Variants in SPATA31E1 observed in about 807,000 individuals in gnomAD.
The protein encoded by SPATA31E1 is SPATA31 subfamily E member 1.
Under a neutral mutation model 12.9 loss-of-function variants are expected in SPATA31E1, and 7 were observed. The observed-to-expected ratio is 0.54, with a 90% confidence interval of 0.31 to 1.02. The LOEUF is 1.02. SPATA31E1 is among the 50% of genes least tolerant of loss of function. SPATA31E1 has a pLI of 0.05. For synonymous variants in SPATA31E1, 771 were observed against 719.0 expected (o/e 1.07, Z -1.16); for missense variants, 1,961 against 1,799.8 (o/e 1.09, Z -1.62).
chr9:87,888,820 T>C lies in SPATA31E1; in HGVS notation c.4333T>C (p.Ser1445Pro). 1 of 1,599,532 alleles carries C rather than the reference T, an allele frequency of 6.3e-7. No homozygotes were observed. The highest frequency in any genetic ancestry group is 8.5e-7 in the Non-Finnish European group (1 of 1,173,640). Reference sequence around the variant, plus strand: ...GATGTCTGCACAGAGGTGTCTTGCCTCCTGAACTAGACCAGTCTTCTTGCA... The same window carrying C: ...GATGTCTGCACAGAGGTGTCTTGCCCCCTGAACTAGACCAGTCTTCTTGCA... Reference protein sequence around the residue: ...ELMSAQRCLAS With the variant: ...ELMSAQRCLAP Residue 1445 changes from serine (S) to proline (P), a missense_variant, in exon 4 of 4, where the codon TCC becomes CCC. Ser to Pro is a moderately conservative substitution (Grantham distance 74, BLOSUM62 -1). Transcript: ENST00000325643.
rs1355970948 is a variant in SPATA31E1, at chr9:87,885,391, C to A, written c.904C>A (p.Pro302Thr). Reference protein sequence around the residue: ...VISGLGCSSDPIWDLYCWREA... With the variant: ...VISGLGCSSDTIWDLYCWREA... ...CTCTGGCCTGGGGTGCTCCAGCGAT[C>A]CCATCTGGGACCTCTATTGCTGGAG... The change falls in exon 4 of 4, where the codon CCC becomes ACC. Residue 302 changes from proline (P) to threonine (T), a missense_variant. Transcript: ENST00000325643. The A allele has an allele frequency of 6.2e-7, 1 of 1,613,956 alleles. No individual in the cohort carries two copies. Among genetic ancestry groups the A allele is most frequent in the Non-Finnish European group, 8.5e-7 (1 of 1,179,912 alleles).
Position 87,888,079 on chromosome 9 carries a change from C to G in SPATA31E1, c.3592C>G (p.Leu1198Val). Residue 1198 changes from leucine (L) to valine (V), a missense_variant, in exon 4 of 4, where the codon CTG becomes GTG. Leu to Val is a conservative substitution (Grantham distance 32, BLOSUM62 1). Coordinates refer to ENST00000325643, the MANE Select transcript of SPATA31E1 (RefSeq NM_178828.5). The part of the protein sequence containing the change: ...AKAPQKSQKT[L>V]GCADKGEAHR... ...GGCCCCACAGAAGAGTCAGAAGACGCTGGGCTGTGCGGACAAGGGCGAGGC... is the reference window on the plus strand; with the variant it reads ...GGCCCCACAGAAGAGTCAGAAGACGGTGGGCTGTGCGGACAAGGGCGAGGC... The G allele has an allele frequency of 6.2e-7, 1 of 1,602,098 alleles. No homozygotes were observed. The highest frequency in any genetic ancestry group is 1.3e-5 in the African/African-American group (1 of 74,754).
At position 87,887,862 on chromosome 9, in the gene SPATA31E1, C is replaced by T; in HGVS notation, c.3375C>T (p.Ala1125=). The T allele has an allele frequency of 1.2e-6, 2 of 1,613,830 alleles. No individual in the cohort carries two copies. The highest frequency in any genetic ancestry group is 1.7e-6 in the Non-Finnish European group (2 of 1,180,034). ...RAPGILLQDG[A]TGLCLPGRHM... is the part of the protein sequence containing the mutation. ...CGGGCATCCTCCTCCAGGACGGCGC[C>T]ACAGGCCTGTGCCTTCCAGGCCGCC... Residue 1125 remains alanine, a synonymous_variant, in exon 4 of 4, where the codon GCC becomes GCT. Transcript: ENST00000325643.
In SPATA31E1 at chr9:87,887,830, C is replaced by T. The variant is rs560140615; in HGVS notation, c.3343C>T (p.Arg1115Cys). 17 of 1,613,890 alleles carry T rather than the reference C, an allele frequency of 1.1e-5. No homozygotes were observed. Among genetic ancestry groups the T allele is most frequent in the South Asian group, 9.9e-5 (9 of 91,080 alleles). ...GGACTCAGAGGAGCAGCTGCCAGGC[C>T]GTGCCCCGGGCATCCTCCTCCAGGA... ...QVDSEEQLPGRAPGILLQDGA... is the reference protein window; with the variant it reads ...QVDSEEQLPGCAPGILLQDGA... The change falls in exon 4 of 4, where the codon CGT (arginine) becomes TGT (cysteine). Residue 1115 changes from arginine (R) to cysteine (C), a missense_variant. By Grantham distance (180) the Arg-to-Cys change is radical (BLOSUM62 -3). Transcript: ENST00000325643.
rs755175247 is a variant in SPATA31E1 at position 87,886,267 on chromosome 9, C to T, written c.1780C>T (p.Gln594Ter). ...CAAAAAGTCTCAGGCTGTTCTGAGC[C>T]AGCCCACTGCCCACCTTCCCCAAGA... ...LLKKSQAVLS[Q>*]PTAHLPQERP... Residue 594 changes from glutamine to a stop codon, truncating the protein, a stop_gained, in exon 4 of 4, where the codon CAG (glutamine) becomes TAG (stop). Coordinates refer to ENST00000325643, the MANE Select transcript of SPATA31E1 (RefSeq NM_178828.5). LOFTEE classifies it low-confidence loss of function (END_TRUNC). 1.2e-6 allele frequency: 2 copies of T among 1,613,750 alleles called. No homozygotes were observed. The highest frequency in any genetic ancestry group is 1.3e-5 in the African/African-American group (1 of 74,902).
rs1253259579 is a variant in SPATA31E1 at position 87,888,158 on chromosome 9, C to T, written c.3671C>T (p.Thr1224Ile). 5.6e-6 allele frequency: 9 copies of T among 1,612,192 alleles called. No homozygotes were observed. Among genetic ancestry groups the T allele is most frequent in the South Asian group, 2.2e-5 (2 of 91,010 alleles). Reference sequence around the variant, plus strand: ...GGACACAGGTCCAAGGGACCCAGGACCTCTGAAGCCAGTGGGAGGAGCCAC... The same window carrying T: ...GGACACAGGTCCAAGGGACCCAGGATCTCTGAAGCCAGTGGGAGGAGCCAC... The part of the protein sequence containing the change: ...EQGHRSKGPR[T>I]SEASGRSHPA... The change falls in exon 4 of 4, where the codon ACC becomes ATC. Residue 1224 changes from threonine (T) to isoleucine (I), a missense_variant. Physicochemically the swap from Thr to Ile is moderately conservative, Grantham distance 89. Transcript: ENST00000325643.
rs148155716 is a variant in SPATA31E1 at position 87,887,763 on chromosome 9, G to C, written c.3276G>C (p.Leu1092=). 11 of 1,613,894 alleles carry C rather than the reference G, an allele frequency of 6.8e-6. No individual in the cohort carries two copies. In the African/African-American group the frequency reaches 1.3e-4, roughly 20 times the overall value. Residue 1092 remains leucine (L), a synonymous_variant, in exon 4 of 4, where the codon CTG becomes CTC. Transcript: ENST00000325643. ...CVAQDPEQLH[L]KAQVVSEIAL... ...CTCAGGATCCAGAGCAGCTGCACCT[G>C]AAAGCGCAGGTGGTCAGTGAGATTG...
In SPATA31E1 at chr9:87,884,611, G is replaced by C; in HGVS notation, c.385G>C (p.Glu129Gln). The change falls in exon 3 of 4, where the codon GAG (glutamate) becomes CAG (glutamine). Residue 129 changes from glutamate (E) to glutamine (Q), a missense_variant. By Grantham distance (29) the Glu-to-Gln change is conservative. Coordinates refer to ENST00000325643, the MANE Select transcript of SPATA31E1 (RefSeq NM_178828.5). ...ALKACRILLR[E>Q]LEETRDLNYL... ...TCCAGCTTGCAGAATCCTCCTGAGG[G>C]AGCTGGAGGAGACTCGGGACCTGAA... 1.2e-6 allele frequency: 2 copies of C among 1,614,138 alleles called. No homozygotes were observed. Among genetic ancestry groups the C allele is most frequent in the East Asian group, 4.5e-5 (2 of 44,854 alleles).
chr9:87,887,796 A>G lies in SPATA31E1; in HGVS notation c.3309A>G (p.Ile1103Met), dbSNP rs1828310696. 1.2e-6 allele frequency: 2 copies of G among 1,613,820 alleles called. No individual in the cohort carries two copies. The highest frequency in any genetic ancestry group is 1.7e-5 in the Admixed American group (1 of 60,010). Residue 1103 changes from isoleucine to methionine, a missense_variant, in exon 4 of 4, where the codon ATA becomes ATG. By Grantham distance (10) the Ile-to-Met change is conservative. Coordinates refer to ENST00000325643, the MANE Select transcript of SPATA31E1 (RefSeq NM_178828.5). ...KAQVVSEIALIVQVDSEEQLP... is the reference protein window; with the variant it reads ...KAQVVSEIALMVQVDSEEQLP... ...AGGTGGTCAGTGAGATTGCGCTCAT[A>G]GTGCAGGTGGACTCAGAGGAGCAGC...
At position 87,886,233 on chromosome 9, in the gene SPATA31E1, C is replaced by G; in HGVS notation, c.1746C>G (p.Pro582=). 1 of 1,613,888 alleles carries G rather than the reference C, an allele frequency of 6.2e-7. No homozygotes were observed. The highest frequency in any genetic ancestry group is 8.5e-7 in the Non-Finnish European group (1 of 1,179,972). The change falls in exon 4 of 4, where the codon CCC becomes CCG. Residue 582 remains proline (P), a synonymous_variant. Transcript: ENST00000325643. The part of the protein sequence containing the change: ...KKRPKWKRVL[P]SLLKKSQAVL... ...GACCAAAGTGGAAGAGGGTTTTGCC[C>G]TCTCTCCTCAAAAAGTCTCAGGCTG... is the stretch of plus-strand genomic sequence containing the variant.
rs1564128493 is a variant in SPATA31E1 at position 87,885,970 on chromosome 9, C to CCCCAGCCCCACCACATGG, written c.1494_1511dup (p.His498_Pro503dup). The CCCCAGCCCCACCACATGG allele has an allele frequency of 1.2e-6, 2 of 1,613,436 alleles. No homozygotes were observed. The highest frequency in any genetic ancestry group is 1.1e-5 in the South Asian group (1 of 91,084). On this transcript the variant is annotated inframe_insertion, in exon 4 of 4. Coordinates refer to ENST00000325643, the MANE Select transcript of SPATA31E1 (RefSeq NM_178828.5). ...ATCCTCACAGCTTTCCCAGGCACCG[C>CCCCAGCCCCACCACATGG]CCCAGCCCCACCACATGGCCCAGCC...
chr9:87,887,825 C>T lies in SPATA31E1; in HGVS notation c.3338C>T (p.Pro1113Leu). Residue 1113 changes from proline to leucine, a missense_variant, in exon 4 of 4, where the codon CCA becomes CTA. Physicochemically the swap from Pro to Leu is moderately conservative, Grantham distance 98 (BLOSUM62 -3). Coordinates refer to ENST00000325643, the MANE Select transcript of SPATA31E1 (RefSeq NM_178828.5). ...IVQVDSEEQL[P>L]GRAPGILLQD... ...CAGGTGGACTCAGAGGAGCAGCTGC[C>T]AGGCCGTGCCCCGGGCATCCTCCTC... 1 of 1,613,878 alleles carries T rather than the reference C, an allele frequency of 6.2e-7. No homozygotes were observed. The highest frequency in any genetic ancestry group is 8.5e-7 in the Non-Finnish European group (1 of 1,180,016).
Position 87,883,049 on chromosome 9 carries a change from G to A in SPATA31E1, c.158G>A (p.Ser53Asn), listed in dbSNP as rs1162297871. 12 of 1,613,576 alleles carry A rather than the reference G, an allele frequency of 7.4e-6. No individual in the cohort carries two copies. Among genetic ancestry groups the A allele is most frequent in the Non-Finnish European group, 1.0e-5 (12 of 1,179,956 alleles). ...ATGCTCTTTCCTCTGAAGAGCCCTA[G>A]TGCCACATGGCTGAGCCCTAGCTCC... ...EKMLFPLKSP[S>N]ATWLSPSSTP... The change falls in exon 1 of 4, where the codon AGT (serine) becomes AAT (asparagine). Residue 53 changes from serine (S) to asparagine (N), a missense_variant. Ser to Asn is a conservative substitution (Grantham distance 46). Coordinates refer to ENST00000325643, the MANE Select transcript of SPATA31E1 (RefSeq NM_178828.5).
rs1023357440 is a variant in SPATA31E1, at chr9:87,888,535, C to T, written c.4048C>T (p.Arg1350Cys). 16 of 1,614,038 alleles carry T rather than the reference C, an allele frequency of 9.9e-6. No individual in the cohort carries two copies. The highest frequency in any genetic ancestry group is 1.6e-4 in the Middle Eastern group (1 of 6,084). ...SEVNRHKGDF[R>C]AQENVPSCCH... ...GGTCAATCGCCACAAAGGTGACTTC[C>T]GCGCCCAGGAGAATGTGCCTTCCTG... is the stretch of plus-strand genomic sequence containing the variant. Residue 1350 changes from arginine to cysteine, a missense_variant, in exon 4 of 4, where the codon CGC becomes TGC. Coordinates refer to ENST00000325643, the MANE Select transcript of SPATA31E1 (RefSeq NM_178828.5).
Position 87,887,680 on chromosome 9 carries a change from A to C in SPATA31E1, c.3193A>C (p.Arg1065=), listed in dbSNP as rs748959333. 1 of 1,614,150 alleles carries C rather than the reference A, an allele frequency of 6.2e-7. No individual in the cohort carries two copies. Among genetic ancestry groups the C allele is most frequent in the Non-Finnish European group, 8.5e-7 (1 of 1,180,022 alleles). Residue 1065 remains arginine (R), a synonymous_variant, in exon 4 of 4, where the codon AGG becomes CGG. Coordinates refer to ENST00000325643, the MANE Select transcript of SPATA31E1 (RefSeq NM_178828.5). Reference sequence around the variant, plus strand: ...TTCGGGAAGTGTTCAGGAGGATCTGAGGAGCACAGGGGCTCTGGGGACCAC... The same window carrying C: ...TTCGGGAAGTGTTCAGGAGGATCTGCGGAGCACAGGGGCTCTGGGGACCAC... ...ASSGSVQEDL[R]STGALGTTGN... is the part of the protein sequence containing the mutation.
rs766583741 is a variant in SPATA31E1, at chr9:87,885,115, T to C, written c.628T>C (p.Ser210Pro). 12 of 1,614,004 alleles carry C rather than the reference T, an allele frequency of 7.4e-6. No homozygotes were observed. The highest frequency in any genetic ancestry group is 1.6e-4 in the Middle Eastern group (1 of 6,084). ...CCTGTCACCAGGCCCGATGACCTTC[T>C]CAGAGCCTTTTGGACCACACTCAAC... ...STLSPGPMTF[S>P]EPFGPHSTLS... Residue 210 changes from serine to proline, a missense_variant, in exon 4 of 4, where the codon TCA (serine) becomes CCA (proline). Coordinates refer to ENST00000325643, the MANE Select transcript of SPATA31E1 (RefSeq NM_178828.5).
rs1036288388 is a variant in SPATA31E1 at position 87,885,377 on chromosome 9, G to A, written c.890G>A (p.Gly297Glu). 6.2e-7 allele frequency: 1 copy of A among 1,613,138 alleles called. No homozygotes were observed. The highest frequency in any genetic ancestry group is 1.1e-5 in the South Asian group (1 of 91,060). Residue 297 changes from glycine to glutamate, a missense_variant, in exon 4 of 4, where the codon GGG (glycine) becomes GAG (glutamate). Coordinates refer to ENST00000325643, the MANE Select transcript of SPATA31E1 (RefSeq NM_178828.5). ...PPPTRVISGL[G>E]CSSDPIWDLY... ...CCAACCAGGGTGATCTCTGGCCTGG[G>A]GTGCTCCAGCGATCCCATCTGGGAC...
In SPATA31E1 at chr9:87,886,725, C is replaced by A. The variant is rs761198450; in HGVS notation, c.2238C>A (p.Tyr746Ter). 2.0e-5 allele frequency: 32 copies of A among 1,613,930 alleles called. No homozygotes were observed. Among genetic ancestry groups the A allele is most frequent in the Non-Finnish European group, 2.5e-5 (30 of 1,180,022 alleles). ...AEGDLRRSWK[Y>*]QSVSSTPRDP... ...GTGACTTACGGAGGTCCTGGAAGTA[C>A]CAATCAGTAAGTTCCACACCCAGGG... The change falls in exon 4 of 4, where the codon TAC (tyrosine) becomes TAA (stop). Residue 746 changes from tyrosine (Y) to a stop codon, truncating the protein, a stop_gained. Coordinates refer to ENST00000325643, the MANE Select transcript of SPATA31E1 (RefSeq NM_178828.5). LOFTEE classifies it low-confidence loss of function (END_TRUNC).
In SPATA31E1 at chr9:87,888,122, C is replaced by T. The variant is rs775022323; in HGVS notation, c.3635C>T (p.Thr1212Ile). The change falls in exon 4 of 4, where the codon ACA becomes ATA. Residue 1212 changes from threonine to isoleucine, a missense_variant. Physicochemically the swap from Thr to Ile is moderately conservative, Grantham distance 89. Transcript: ENST00000325643. Reference protein sequence around the residue: ...DKGEAHRRPRTGEQGHRSKGP... With the variant: ...DKGEAHRRPRIGEQGHRSKGP... Reference sequence around the variant, plus strand: ...GGCGAGGCCCACAGGAGGCCCAGAACAGGGGAGCAGGGACACAGGTCCAAG... The same window carrying T: ...GGCGAGGCCCACAGGAGGCCCAGAATAGGGGAGCAGGGACACAGGTCCAAG... 1 of 1,606,806 alleles carries T rather than the reference C, an allele frequency of 6.2e-7. No homozygotes were observed. The highest frequency in any genetic ancestry group is 8.5e-7 in the Non-Finnish European group (1 of 1,176,548).
Sources: allele counts gnomAD v4.1 joint callset, GRCh38; gene constraint gnomAD v4.1.1; transcripts MANE v1.5; gene names NCBI Gene and HGNC (gene_info 2026-07-23, HGNC 2026-07-21).